Variants in COL13A1 observed in about 807,000 individuals in gnomAD.
The protein encoded by COL13A1 is collagen alpha-1(XIII) chain.
In COL13A1, 89 loss-of-function variants were observed where a neutral mutation model predicts 130.9. The ratio of observed to expected loss-of-function variants is 0.68; its 90% CI spans 0.57 to 0.81. The LOEUF (loss-of-function observed/expected upper bound fraction) is 0.81. COL13A1 is among the 30% of genes least tolerant of loss of function. COL13A1 has a pLI of 0.00. For missense variants in COL13A1, 879 were observed against 934.6 expected (o/e 0.94, Z 0.78); for synonymous variants, 402 against 341.6 (o/e 1.18, Z -1.95).
intron 1 of COL13A1, among the ~76,000 whole-genome samples, chr10:69,820,750 G>GC (rs1178868093): frequency 1.3e-5 from 2 of 151,810 alleles, no homozygotes; most frequent in Non-Finnish European, 2.9e-5. Flanking sequence ...TGCCCTCAGA[G>GC]CCCCCCATCC....
intron 2 of COL13A1, among the ~76,000 whole-genome samples, chr10:69,842,006 C>A (rs766811782): frequency 3.3e-5 from 5 of 152,210 alleles, no homozygotes; most frequent in Non-Finnish European, 5.9e-5. Flanking sequence ...TGAGCAGGAC[C>A]ATGACCTAAC....
intron 15 of COL13A1, among the ~76,000 whole-genome samples, chr10:69,904,049 C>G (rs1386975503): frequency 6.6e-6 from 1 of 152,134 alleles, no homozygotes; most frequent in African/African-American, 2.4e-5. Context: ...TTAAATTTTT[C>G]CACAATTTCG....
At chr10:69,882,040 C>G (rs923331809) in intron 7 of COL13A1, among the ~76,000 whole-genome samples, 3 of 152,216 alleles carry the variant, frequency 2.0e-5, no homozygotes, top group African/African-American at 4.8e-5. Context: ...CGATGGGCTT[C>G]AAGCCTCCTG....
At chr10:69,810,347 T>TTA (rs1842653928) in intron 1 of COL13A1, among the ~76,000 whole-genome samples, 1 of 119,746 alleles carries the variant, frequency 8.4e-6, no homozygotes, top group Non-Finnish European at 1.8e-5. Context: ...GCCCTGAGAA[T>TTA]GAGAGAGAGA....
At chr10:69,958,569 G>T (rs1481745042) in intron 40 of COL13A1, 130 bp from the exon 41 acceptor site, 1 of 1,427,702 alleles carries the variant, frequency 7.0e-7, no homozygotes, top group Admixed American at 2.1e-5. Flanking sequence ...GGGGCTCAGG[G>T]TTCCCACAGT....
chr10:69,930,202 AG>A, intron 29 of COL13A1, 115 bp downstream of exon 29: 1 of 946,234 alleles, frequency 1.1e-6, no homozygotes. Flanking sequence ...GGGCAAGGGA[AG>A]GGGAGATGGG....
chr10:69,818,415 A>G (rs749478801), intron 1 of COL13A1, among the ~76,000 whole-genome samples: 1 of 152,238 alleles, frequency 6.6e-6, no homozygotes, highest in Non-Finnish European at 1.5e-5. Context: ...TGGTTCCTCC[A>G]TGCTAGAATC....
At chr10:69,851,856 C>T (rs1159994638) in intron 2 of COL13A1, among the ~76,000 whole-genome samples, 4 of 152,110 alleles carry the variant, frequency 2.6e-5, no homozygotes, top group Non-Finnish European at 2.9e-5. Context: ...GGTTTTGCCA[C>T]GTTGGCCAGG....
chr10:69,886,827 G>A (rs35814096), intron 7 of COL13A1, among the ~76,000 whole-genome samples: 16,726 of 152,102 alleles, frequency 0.11, 964 homozygotes, highest in Middle Eastern at 0.25. Flanking sequence ...TCTAGTCTCC[G>A]TCCTAAATAT....
chr10:69,848,081 C>T (rs1037426212), intron 2 of COL13A1, among the ~76,000 whole-genome samples: 1 of 152,202 alleles, frequency 6.6e-6, no homozygotes, highest in South Asian at 2.1e-4. Context: ...CAGTCATTTG[C>T]TCAAGACCTC....
At chr10:69,876,695 A>AT (rs1448733011) in intron 5 of COL13A1, among the ~76,000 whole-genome samples, 2 of 152,204 alleles carry the variant, frequency 1.3e-5, no homozygotes, top group Non-Finnish European at 2.9e-5. Flanking sequence ...GGGCCTGCGC[A>AT]TGTGGACCTG....
intron 4 of COL13A1, among the ~76,000 whole-genome samples, chr10:69,874,755 C>A: frequency 6.6e-6 from 1 of 152,010 alleles, no homozygotes; most frequent in East Asian, 1.9e-4. Flanking sequence ...CTTGAAGTTG[C>A]GTTTGATAAA....
At chr10:69,807,819 C>T (rs1197704441) in intron 1 of COL13A1, among the ~76,000 whole-genome samples, 3 of 152,208 alleles carry the variant, frequency 2.0e-5, no homozygotes, top group Non-Finnish European at 4.4e-5. Context: ...TTCACCACAC[C>T]TTCCCCTTTC....
Position 69,948,432 on chromosome 10 carries a change from G to A in COL13A1, c.2058+1090G>A, listed in dbSNP as rs557977493. The stretch of plus-strand genomic sequence containing the variant: ...GGTCAAAAGCAACTCAGTTTGTCCC[G>A]CATCTTCTATAAACAAGAGGGAGCA... On this transcript the variant is annotated intron_variant, in intron 38 of 40. Transcript: ENST00000645393. Among the ~76,000 whole-genome samples, 12 of 152,252 alleles carry A rather than the reference G, an allele frequency of 7.9e-5. No homozygotes were observed. The South Asian group carries it at 1.9e-3, about 24-fold the overall frequency.
chr10:69,945,581 G>A, intron 36 of COL13A1, 90 bp from the exon 37 acceptor site: 1 of 1,538,088 alleles, frequency 6.5e-7, no homozygotes, highest in Non-Finnish European at 8.8e-7. Flanking sequence ...GACTGGAGAG[G>A]TTTCCTGTAT....
chr10:69,866,265 G>A (rs1017709842), intron 2 of COL13A1, among the ~76,000 whole-genome samples: 3 of 152,184 alleles, frequency 2.0e-5, no homozygotes, highest in Non-Finnish European at 2.9e-5. Context: ...GTGTCACTGG[G>A]GACATCTCAG....
At chr10:69,842,213 C>T (rs1298095487) in intron 2 of COL13A1, among the ~76,000 whole-genome samples, 1 of 152,182 alleles carries the variant, frequency 6.6e-6, no homozygotes, top group African/African-American at 2.4e-5. Flanking sequence ...CTGAAGCTTT[C>T]ATAAGGGGAA....
intron 14 of COL13A1, among the ~76,000 whole-genome samples, chr10:69,900,722 T>G (rs1472602269): frequency 1.3e-5 from 2 of 152,248 alleles, no homozygotes; most frequent in East Asian, 3.8e-4. Flanking sequence ...TGGACGTCAT[T>G]TCCAAAGAGC....
chr10:69,957,092 T>C, intron 40 of COL13A1, 50 bp downstream of exon 40: 1 of 1,491,546 alleles, frequency 6.7e-7, no homozygotes, highest in Non-Finnish European at 9.4e-7. Context: ...AGCAGTGCCA[T>C]AAAGCTTCCA....
Sources: allele counts gnomAD v4.1 joint callset (sites outside exome capture counted in the v4.1 genomes callset), GRCh38; gene constraint gnomAD v4.1.1; transcripts MANE v1.5; gene names NCBI Gene and HGNC (gene_info 2026-07-23, HGNC 2026-07-21).